Variants in SHANK2 observed in about 807,000 individuals in gnomAD.
SHANK2 encodes SH3 and multiple ankyrin repeat domains protein 2.
SHANK2 carries 43 observed loss-of-function variants against 133.7 expected under a neutral mutation model. The ratio of observed to expected loss-of-function variants is 0.32; its 90% CI spans 0.25 to 0.41. SHANK2 has a LOEUF of 0.41. SHANK2 is among the 10% of genes least tolerant of loss of function. SHANK2 has a pLI of 1.00. For synonymous variants in SHANK2, 1,017 were observed against 952.8 expected (o/e 1.07, Z -1.24); for missense variants, 1,994 against 2,235.8 (o/e 0.89, Z 2.18).
At chr11:70,785,258 C>T (rs1351672560) in intron 14 of SHANK2, among the ~76,000 whole-genome samples, 2 of 152,172 alleles carry the variant, frequency 1.3e-5, no homozygotes. Flanking sequence ...CTCGTCCACA[C>T]ACCATCTTAC....
intron 2 of SHANK2, among the ~76,000 whole-genome samples, chr11:71,213,031 A>C (rs930346837): frequency 1.2e-4 from 18 of 150,898 alleles, no homozygotes; most frequent in Non-Finnish European, 1.8e-4. Flanking sequence ...GGTGGAGGCA[A>C]AGGAAGAGGA....
chr11:70,786,649 A>G (rs1419130674), intron 14 of SHANK2, among the ~76,000 whole-genome samples: 2 of 152,154 alleles, frequency 1.3e-5, no homozygotes, highest in African/African-American at 2.4e-5. Context: ...TGATTTCTTT[A>G]CATCAAGAGG....
At chr11:71,184,086 G>C (rs782241725) in intron 2 of SHANK2, among the ~76,000 whole-genome samples, 2 of 152,190 alleles carry the variant, frequency 1.3e-5, no homozygotes, top group Non-Finnish European at 2.9e-5. Flanking sequence ...CATCTCTTGA[G>C]ATTACCGACT....
chr11:70,674,182 GA>G (rs1555016705), intron 15 of SHANK2, among the ~76,000 whole-genome samples: 1 of 152,148 alleles, frequency 6.6e-6, no homozygotes, highest in Non-Finnish European at 1.5e-5. Context: ...GAAGCTTCCT[GA>G]AGCTCTCACC....
intron 2 of SHANK2, among the ~76,000 whole-genome samples, chr11:71,156,570 G>A (rs1320173046): frequency 5.9e-5 from 9 of 152,086 alleles, no homozygotes; most frequent in South Asian, 2.1e-4. Context: ...TGGAGTCCAC[G>A]CCTAATTCCA....
chr11:70,768,754 A>G (rs1380144727), intron 14 of SHANK2, among the ~76,000 whole-genome samples: 1 of 152,112 alleles, frequency 6.6e-6, no homozygotes, highest in East Asian at 1.9e-4. Flanking sequence ...AGATGGAGGG[A>G]GGAGGCGGGC....
chr11:70,488,202 G>A (rs1462463751), intron 24 of SHANK2, among the ~76,000 whole-genome samples: 2 of 152,212 alleles, frequency 1.3e-5, no homozygotes, highest in African/African-American at 4.8e-5. Flanking sequence ...AGGGCTCCTG[G>A]GGGTGTTTTT....
At chr11:70,840,468 C>G (rs559111656) in intron 11 of SHANK2, among the ~76,000 whole-genome samples, 9 of 152,344 alleles carry the variant, frequency 5.9e-5, no homozygotes, top group African/African-American at 1.7e-4. Context: ...CCCCTCTCAG[C>G]TCTGAGGAGC....
intron 17 of SHANK2, among the ~76,000 whole-genome samples, chr11:70,568,103 G>A (rs4246957): frequency 0.72 from 109,746 of 152,134 alleles, 39,768 homozygotes; most frequent in South Asian, 0.85. Context: ...GTCTGGCTCC[G>A]ATCCTGCCTG....
chr11:70,494,524 C>T (rs1290669608), intron 21 of SHANK2, among the ~76,000 whole-genome samples: 3 of 152,136 alleles, frequency 2.0e-5, no homozygotes, highest in Non-Finnish European at 4.4e-5. Context: ...AGACTCCTGA[C>T]CTCAAGTGAT....
intron 10 of SHANK2, among the ~76,000 whole-genome samples, chr11:70,908,800 G>C (rs1183810839): frequency 6.6e-6 from 1 of 152,186 alleles, no homozygotes; most frequent in Non-Finnish European, 1.5e-5. Context: ...GAAAGTTTCT[G>C]ACCTAATCAA....
At chr11:70,759,496 A>T (rs918514442) in intron 14 of SHANK2, among the ~76,000 whole-genome samples, 4 of 152,168 alleles carry the variant, frequency 2.6e-5, no homozygotes, top group Non-Finnish European at 5.9e-5. Context: ...ACAAAAAACA[A>T]AAAAGCAAAA....
At chr11:70,564,664 T>A (rs1038807564) in intron 17 of SHANK2, among the ~76,000 whole-genome samples, 1 of 152,208 alleles carries the variant, frequency 6.6e-6, no homozygotes, top group Non-Finnish European at 1.5e-5. Context: ...CACTGACTGA[T>A]GTTCTTTTAA....
At chr11:71,142,548 A>G (rs1450828418) in intron 3 of SHANK2, among the ~76,000 whole-genome samples, 5 of 152,152 alleles carry the variant, frequency 3.3e-5, no homozygotes, top group Admixed American at 6.6e-5. Flanking sequence ...CAAGCAGAAA[A>G]ATGCCAAGCA....
chr11:71,216,389 A>G (rs1555119898), intron 2 of SHANK2, among the ~76,000 whole-genome samples: 7 of 152,200 alleles, frequency 4.6e-5, no homozygotes, highest in African/African-American at 1.7e-4. Flanking sequence ...ATACGATTCC[A>G]TTTATATGAA....
intron 14 of SHANK2, among the ~76,000 whole-genome samples, chr11:70,719,413 G>T (rs1379052858): frequency 2.0e-5 from 3 of 152,192 alleles, no homozygotes; most frequent in African/African-American, 7.2e-5. Flanking sequence ...GGTGCTGTGT[G>T]CATGGGCACC....
At chr11:70,942,939 G>A in intron 10 of SHANK2, 1 of 452,112 alleles carries the variant, frequency 2.2e-6, no homozygotes. Flanking sequence ...AGATAGATGG[G>A]AAAGTGCATC....
At chr11:70,716,237 C>T (rs549574035) in intron 14 of SHANK2, among the ~76,000 whole-genome samples, 44 of 152,198 alleles carry the variant, frequency 2.9e-4, no homozygotes, top group African/African-American at 9.9e-4. Flanking sequence ...TCTCCTGGCA[C>T]GAGGTGCTCA....
intron 21 of SHANK2, among the ~76,000 whole-genome samples, chr11:70,493,649 G>A (rs1389972316): frequency 6.6e-6 from 1 of 152,114 alleles, no homozygotes; most frequent in East Asian, 1.9e-4. Context: ...TCTGGAAAAG[G>A]TGACCCCAGC....
Sources: allele counts gnomAD v4.1 joint callset (sites outside exome capture counted in the v4.1 genomes callset), GRCh38; gene constraint gnomAD v4.1.1; transcripts MANE v1.5; gene names NCBI Gene and HGNC (gene_info 2026-07-23, HGNC 2026-07-21).